Variants in AKT2 observed in about 807,000 individuals in gnomAD.
AKT2 encodes the protein AKT serine/threonine kinase 2, also known as RAC-beta serine/threonine-protein kinase.
Under a neutral mutation model 58.6 loss-of-function variants are expected in AKT2, and 16 were observed. That is an observed-to-expected ratio of 0.27 (90% CI 0.18 to 0.41). AKT2 has a LOEUF of 0.41. AKT2 is among the 10% of genes least tolerant of loss of function. AKT2 has a pLI of 1.00. For missense variants in AKT2, 438 were observed against 661.0 expected, an observed-to-expected ratio of 0.66 and a Z score of 3.70; for synonymous variants, 253 against 254.0, an observed-to-expected ratio of 1.00 and a Z score of 0.04.
At position 40,285,023 on chromosome 19, in the gene AKT2, C is replaced by T. The variant is rs2077489212; in HGVS notation, c.-85+158G>A. The T allele has an allele frequency of 2.1e-5, 8 of 381,126 alleles. No individual in the cohort carries two copies. The East Asian group carries it at 3.0e-4, about 14-fold the overall frequency. 23.6% of individuals were successfully genotyped at this position (381,126 alleles called of 1,614,324 possible). On this transcript the variant is annotated intron_variant, in intron 1 of 13. Transcript: ENST00000392038. ...CGGCCCCCCGAGGCTGGTCCCACCG[C>T]CCCCGCTCGGCCACCCCCACTCAGC...
At chr19:40,280,182 G>A (rs572605534) in intron 1 of AKT2, among the ~76,000 whole-genome samples, 9 of 152,360 alleles carry the variant, frequency 5.9e-5, no homozygotes, top group East Asian at 5.8e-4. Context: ...CAGCGTGGAC[G>A]CAGGGTCAGC....
chr19:40,256,668 C>T (rs1039363964), intron 3 of AKT2, among the ~76,000 whole-genome samples: 4 of 152,208 alleles, frequency 2.6e-5, no homozygotes, highest in Non-Finnish European at 5.9e-5. Flanking sequence ...GAAGCTGGAA[C>T]CACAAGGAGG....
Position 40,238,873 on chromosome 19 carries a change from C to A in AKT2, c.708+32G>T. 1 of 1,611,346 alleles carries A rather than the reference C, an allele frequency of 6.2e-7. No individual in the cohort carries two copies. The highest frequency in any genetic ancestry group is 8.5e-7 in the Non-Finnish European group (1 of 1,177,592). ...CGCCCCACCCTAAAGAAGGAGGCCC[C>A]AGAGGGCAAAGTCAAGGCAGCCGCG... On this transcript the variant is annotated intron_variant, in intron 8 of 13. Transcript: ENST00000392038. This position sits in a 1 kb window ranked among gnomAD's most constrained non-coding sequence, Gnocchi z 5.1.
intron 4 of AKT2, among the ~76,000 whole-genome samples, chr19:40,249,516 G>A (rs1600021940): frequency 2.0e-5 from 3 of 152,316 alleles, no homozygotes; most frequent in South Asian, 2.1e-4. Flanking sequence ...AGAGAAGCTC[G>A]GCGAAGCAGA....
chr19:40,272,270 T>C (rs11671439), intron 1 of AKT2, among the ~76,000 whole-genome samples: 18,259 of 152,230 alleles, frequency 0.12, 1,584 homozygotes, highest in African/African-American at 0.24. Context: ...GGGGTCCTTG[T>C]TTGCCCACTT....
chr19:40,251,270 T>G (rs1268012237), intron 4 of AKT2, among the ~76,000 whole-genome samples: 1 of 152,238 alleles, frequency 6.6e-6, no homozygotes, highest in Non-Finnish European at 1.5e-5. Flanking sequence ...ATTAAATTTT[T>G]TAGGCTTTGC....
Position 40,231,688 on chromosome 19 carries a change from C to T in AKT2, c.*2184G>A, listed in dbSNP as rs552183523. ...GGAGGTGTTCCATCCGGCCAGCGCCCGGCCATGCAGCCACGTGACTCAAGC... is the reference window on the plus strand; with the variant it reads ...GGAGGTGTTCCATCCGGCCAGCGCCTGGCCATGCAGCCACGTGACTCAAGC... On this transcript the variant is annotated 3_prime_UTR_variant, in exon 14 of 14. Transcript: ENST00000392038. 2.1e-5 allele frequency: 5 copies of T among 233,484 alleles called. No individual in the cohort carries two copies. Among genetic ancestry groups the T allele is most frequent in the Admixed American group, 1.7e-4 (3 of 17,798 alleles). 14.5% of individuals were successfully genotyped at this position (233,484 alleles called of 1,614,324 possible).
chr19:40,271,096 T>C (rs1212238117), intron 1 of AKT2, among the ~76,000 whole-genome samples: 1 of 151,032 alleles, frequency 6.6e-6, no homozygotes, highest in Non-Finnish European at 1.5e-5. Flanking sequence ...TCTCAGCACT[T>C]TGGGAAGCCA....
chr19:40,234,135 G>A lies in AKT2; in HGVS notation c.1367-184C>T, dbSNP rs1044415600. On this transcript the variant is annotated intron_variant, in intron 13 of 13. Transcript: ENST00000392038. The surrounding 1 kb of genome is among the most constrained non-coding windows in gnomAD (Gnocchi z 4.7). The stretch of plus-strand genomic sequence containing the variant: ...CACTCCCCAAACCTGAGCCCCGGGC[G>A]GCCTCCTCTGGGAGTTTCCTGTGCC... Among the ~76,000 whole-genome samples the A allele has an allele frequency of 6.6e-6, 1 of 152,110 alleles. No homozygotes were observed. The highest frequency in any genetic ancestry group is 2.4e-5 in the African/African-American group (1 of 41,426).
chr19:40,236,435 C>T (rs1974030610), intron 9 of AKT2, 50 bp from the exon 10 acceptor site: 5 of 1,612,682 alleles, frequency 3.1e-6, no homozygotes, highest in Non-Finnish European at 4.2e-6. Flanking sequence ...AGGCTTCCTG[C>T]CACCCCAGCC....
chr19:40,278,864 G>C (rs1480293357), intron 1 of AKT2, among the ~76,000 whole-genome samples: 1 of 150,612 alleles, frequency 6.6e-6, no homozygotes, highest in Non-Finnish European at 1.5e-5. Context: ...AAGAAATAAG[G>C]CCCCAGAGCT....
intron 1 of AKT2, among the ~76,000 whole-genome samples, chr19:40,278,653 T>C (rs974475026): frequency 6.6e-6 from 1 of 151,974 alleles, no homozygotes; most frequent in East Asian, 1.9e-4. Context: ...CTGTGCCCAC[T>C]GCCCTGCAGA....
At chr19:40,271,480 TAACAGGCAGCATCTG>T (rs2077216008) in intron 1 of AKT2, among the ~76,000 whole-genome samples, 1 of 148,906 alleles carries the variant, frequency 6.7e-6, no homozygotes, top group Admixed American at 6.7e-5. Flanking sequence ...ACTAGTGGTG[TAACAGGCAGCATCTG>T]CTCATGGGAA....
intron 1 of AKT2, among the ~76,000 whole-genome samples, chr19:40,271,089 C>T (rs2077203844): frequency 6.6e-6 from 1 of 150,532 alleles, no homozygotes; most frequent in Non-Finnish European, 1.5e-5. Flanking sequence ...CCTGTAATCT[C>T]AGCACTTTGG....
At chr19:40,281,294 T>C (rs1163482994) in intron 1 of AKT2, among the ~76,000 whole-genome samples, 2 of 152,166 alleles carry the variant, frequency 1.3e-5, no homozygotes, top group African/African-American at 4.8e-5. Flanking sequence ...AGTTCAAGAC[T>C]AGCCTGAGCA....
chr19:40,271,262 C>CATATAT (rs552972206), intron 1 of AKT2, among the ~76,000 whole-genome samples: 11 of 138,232 alleles, frequency 8.0e-5, no homozygotes, highest in African/African-American at 2.7e-4. Context: ...CGTATATATA[C>CATATAT]ATATATATAT....
At chr19:40,249,621 A>G (rs999746597) in intron 4 of AKT2, among the ~76,000 whole-genome samples, 2 of 152,196 alleles carry the variant, frequency 1.3e-5, no homozygotes, top group Non-Finnish European at 2.9e-5. Flanking sequence ...CACCTCCCCG[A>G]CCTAGAGGGG....
rs779243873 is a variant in AKT2, at chr19:40,281,286, T to G, written c.-85+3895A>C. ...CAGGAGGATCACTTGAGCCCAGGAG[T>G]TCAAGACTAGCCTGAGCAACATAGC... On this transcript the variant is annotated intron_variant, in intron 1 of 13. Transcript: ENST00000392038. Among the ~76,000 whole-genome samples, 72 of 151,008 alleles carry G rather than the reference T, an allele frequency of 4.8e-4. 1 individual carries two copies. The highest frequency in any genetic ancestry group is 2.1e-4 in the Non-Finnish European group (14 of 67,706).
chr19:40,277,425 C>A (rs1421262746), intron 1 of AKT2, among the ~76,000 whole-genome samples: 1 of 152,182 alleles, frequency 6.6e-6, no homozygotes, highest in African/African-American at 2.4e-5. Flanking sequence ...ATATGGTCTG[C>A]TTTCTCCATC....
Sources: gnomAD v4.1 joint callset for allele counts (sites outside exome capture counted in the v4.1 genomes callset) on GRCh38, gnomAD v4.1.1 for gene constraint, Gnocchi (gnomAD v3.1) non-coding constraint, MANE v1.5 for transcripts, NCBI Gene and HGNC (gene_info 2026-07-23, HGNC 2026-07-21) for gene names.